The following XRCC4 variants were observed in gnomAD, a reference collection of about 807,000 sequenced individuals.
The protein encoded by XRCC4 is X-ray repair cross complementing 4.
XRCC4 carries 28 observed loss-of-function variants against 39.1 expected under a neutral mutation model. The observed-to-expected ratio is 0.72, with a 90% CI of 0.53 to 0.98. XRCC4 has a LOEUF of 0.98. Among genes scored for constraint, XRCC4 ranks in the 50% least tolerant of loss-of-function variants. The probability of loss-of-function intolerance (pLI) is 0.00; values close to 1 mark genes in which losing one functional copy is unlikely to be tolerated. For missense variants in XRCC4, 350 were observed against 376.4 expected (o/e 0.93, Z 0.58); for synonymous variants, 123 against 126.4 (o/e 0.97, Z 0.18).
intron 1 of XRCC4, among the ~76,000 whole-genome samples, chr5:83,084,862 A>G (rs372408063): frequency 3.3e-5 from 5 of 152,304 alleles, no homozygotes; most frequent in Non-Finnish European, 5.9e-5. Flanking sequence ...GCAGCCTATA[A>G]ACTAAAGCAG....
chr5:83,097,072 G>C (rs1402218222), intron 1 of XRCC4, among the ~76,000 whole-genome samples: 2 of 152,134 alleles, frequency 1.3e-5, no homozygotes, highest in Admixed American at 1.3e-4. Flanking sequence ...ACAGAGTCTT[G>C]CTTATACTTT....
At chr5:83,322,742 G>A (rs1292364947) in intron 7 of XRCC4, among the ~76,000 whole-genome samples, 3 of 152,148 alleles carry the variant, frequency 2.0e-5, no homozygotes, top group Non-Finnish European at 4.4e-5. Context: ...GTGGCTCCCA[G>A]CCAAGGAATG....
chr5:83,132,692 A>C (rs1747661758), intron 3 of XRCC4, among the ~76,000 whole-genome samples: 1 of 152,052 alleles, frequency 6.6e-6, no homozygotes, highest in Non-Finnish European at 1.5e-5. Context: ...AAGCCTGTGC[A>C]TGCGGCATGT....
intron 1 of XRCC4, among the ~76,000 whole-genome samples, chr5:83,092,344 A>C (rs2112320951): frequency 6.6e-6 from 1 of 152,264 alleles, no homozygotes; most frequent in African/African-American, 2.4e-5. Context: ...TTTGATGTGC[A>C]GAAGCTTTCT....
In XRCC4 at chr5:83,098,818, A is replaced by G. The variant is rs1223775428; in HGVS notation, c.-10-6092A>G. On this transcript the variant is annotated intron_variant, in intron 1 of 7. Coordinates refer to ENST00000396027, the MANE Select transcript of XRCC4 (RefSeq NM_003401.5). ...ATTCTGATAAAAAAGGAAAATGCAA[A>G]TAGTCAGTGCTTTTAAAAAATACTA... 2.8e-5 allele frequency among the ~76,000 whole-genome samples: 4 copies of G among 142,640 alleles called. No individual in the cohort carries two copies. The East Asian group carries it at 7.7e-4, about 27-fold the overall frequency. 93.6% of individuals were successfully genotyped at this position (142,640 alleles called of 152,430 possible). A position where few individuals can be genotyped will look rare whatever the true frequency, so the allele number is the denominator to read the frequency against.
At chr5:83,230,605 C>A (rs1752461129) in intron 6 of XRCC4, among the ~76,000 whole-genome samples, 1 of 151,912 alleles carries the variant, frequency 6.6e-6, no homozygotes, top group African/African-American at 2.4e-5. Flanking sequence ...ACATGGAGAG[C>A]TTCCTATAGA....
intron 3 of XRCC4, among the ~76,000 whole-genome samples, chr5:83,178,921 G>A (rs2112644041): frequency 6.6e-6 from 1 of 152,194 alleles, no homozygotes; most frequent in Non-Finnish European, 1.5e-5. Context: ...CTGAGGCTTT[G>A]CATGTGGTAC....
intron 6 of XRCC4, among the ~76,000 whole-genome samples, chr5:83,235,869 A>T (rs1291390792): frequency 6.6e-6 from 1 of 152,172 alleles, no homozygotes; most frequent in African/African-American, 2.4e-5. Flanking sequence ...AATTCAGGAA[A>T]GTTGCAAGAT....
At chr5:83,214,057 T>G (rs1452001896) in intron 6 of XRCC4, among the ~76,000 whole-genome samples, 1 of 152,168 alleles carries the variant, frequency 6.6e-6, no homozygotes, top group Non-Finnish European at 1.5e-5. Flanking sequence ...GGTAACTTCC[T>G]TAACCTAATA....
At chr5:83,078,428 T>A (rs1487697407) in intron 1 of XRCC4, among the ~76,000 whole-genome samples, 1 of 152,208 alleles carries the variant, frequency 6.6e-6, no homozygotes, top group Non-Finnish European at 1.5e-5. Flanking sequence ...AGGAGAGAGT[T>A]CTTTTCAGAA....
chr5:83,115,381 C>T (rs998176786), intron 3 of XRCC4, among the ~76,000 whole-genome samples: 1 of 152,166 alleles, frequency 6.6e-6, no homozygotes, highest in Non-Finnish European at 1.5e-5. Flanking sequence ...AAGCCAAGAT[C>T]ACACCATTGC....
At chr5:83,087,037 C>G (rs1745212357) in intron 1 of XRCC4, among the ~76,000 whole-genome samples, 1 of 152,100 alleles carries the variant, frequency 6.6e-6, no homozygotes, top group African/African-American at 2.4e-5. Context: ...CATTTCTAGG[C>G]CAGGAGTGGT....
At chr5:83,198,669 A>C (rs1437427394) in intron 4 of XRCC4, among the ~76,000 whole-genome samples, 2 of 152,124 alleles carry the variant, frequency 1.3e-5, no homozygotes, top group Non-Finnish European at 2.9e-5. Context: ...AGCTATTTTC[A>C]TTTGGGATGA....
chr5:83,219,192 C>T (rs1024886914), intron 6 of XRCC4, among the ~76,000 whole-genome samples: 1 of 152,140 alleles, frequency 6.6e-6, no homozygotes, highest in East Asian at 1.9e-4. Flanking sequence ...GATTAGGGCT[C>T]ACCCTAATGA....
Position 83,147,907 on chromosome 5 carries a change from C to T in XRCC4, c.315+36704C>T, listed in dbSNP as rs150016149. Among the ~76,000 whole-genome samples the T allele has an allele frequency of 5.1e-3, 774 of 151,684 alleles. 7 individuals carry two copies. Among genetic ancestry groups the T allele is most frequent in the African/African-American group, 0.018 (733 of 41,372 alleles). ...CCAGGTTCAAGTGATTCTCGTGTCT[C>T]GGCCTCCTTAGCTGGGATTACAGAC... On this transcript the variant is annotated intron_variant, in intron 3 of 7. Coordinates refer to ENST00000396027, the MANE Select transcript of XRCC4 (RefSeq NM_003401.5).
chr5:83,103,564 A>G (rs909718571), intron 1 of XRCC4, among the ~76,000 whole-genome samples: 8 of 152,198 alleles, frequency 5.3e-5, no homozygotes, highest in African/African-American at 1.9e-4. Context: ...TTTTACTCTT[A>G]GGTATATACT....
intron 7 of XRCC4, among the ~76,000 whole-genome samples, chr5:83,302,548 G>A (rs1469058447): frequency 1.3e-5 from 2 of 152,152 alleles, no homozygotes; most frequent in Non-Finnish European, 2.9e-5. Flanking sequence ...CCAATGAGAT[G>A]AAACGGGTAC....
intron 1 of XRCC4, among the ~76,000 whole-genome samples, chr5:83,087,662 CAAAA>C (rs911372348): frequency 7.0e-6 from 1 of 143,406 alleles, no homozygotes; most frequent in African/African-American, 2.6e-5. Flanking sequence ...GACCCTGTGT[CAAAA>C]AAAAAAAATT....
intron 3 of XRCC4, among the ~76,000 whole-genome samples, chr5:83,180,288 G>A (rs1193252692): frequency 6.6e-6 from 1 of 152,130 alleles, no homozygotes; most frequent in Non-Finnish European, 1.5e-5. Flanking sequence ...CATAGTATAG[G>A]AGAGAGTATT....
Sources: gnomAD v4.1 joint callset for allele counts (sites outside exome capture counted in the v4.1 genomes callset) on GRCh38, gnomAD v4.1.1 for gene constraint, MANE v1.5 for transcripts, NCBI Gene and HGNC (gene_info 2026-07-23, HGNC 2026-07-21) for gene names.